The following CSMD1 variants were observed in gnomAD, a reference collection of about 807,000 sequenced individuals.
CSMD1 encodes the protein CUB and Sushi multiple domains 1.
A neutral mutation model predicts 417.5 loss-of-function variants in CSMD1; 213 were observed. The ratio of observed to expected loss-of-function variants is 0.51; its 90% CI spans 0.46 to 0.57. The LOEUF (loss-of-function observed/expected upper bound fraction) is 0.57. CSMD1 is among the 20% of genes least tolerant of loss of function. CSMD1 has a pLI of 0.00. For synonymous variants in CSMD1, 2,862 were observed against 1,736.8 expected (o/e 1.65, Z -16.11); for missense variants, 6,923 against 4,529.7 (o/e 1.53, Z -15.17).
chr8:3,094,800 CAAAA>C lies in CSMD1; in HGVS notation c.7138+2045_7138+2048del, dbSNP rs33991879. On this transcript the variant is annotated intron_variant, in intron 47 of 69. Coordinates refer to ENST00000635120, the MANE Select transcript of CSMD1 (RefSeq NM_033225.6). ...ATGAACTATAAAAGAGCCCGTCTTA[CAAAA>C]AAAAAAAAAAAAAAAAGAGAGAGAG... Among the ~76,000 whole-genome samples, 504 of 105,392 alleles carry C rather than the reference CAAAA, an allele frequency of 4.8e-3. 1 individual carries two copies. Among genetic ancestry groups the C allele is most frequent in the African/African-American group, 0.017 (474 of 27,602 alleles). The allele number at this position is 105,392 out of a possible 152,430, so 69.1% of individuals were successfully genotyped here. A position where few individuals can be genotyped will look rare whatever the true frequency, so the allele number is the denominator to read the frequency against.
At chr8:3,483,563 G>C (rs537081285) in intron 11 of CSMD1, among the ~76,000 whole-genome samples, 13 of 151,990 alleles carry the variant, frequency 8.6e-5, no homozygotes, top group African/African-American at 2.9e-4. Flanking sequence ...AACAATTAAC[G>C]TCAAGATTTC....
intron 3 of CSMD1, among the ~76,000 whole-genome samples, chr8:4,327,475 G>A (rs1187777090): frequency 2.0e-5 from 3 of 152,130 alleles, no homozygotes; most frequent in Admixed American, 6.5e-5. Context: ...GTAGGTAACT[G>A]GGGATGAGCC....
At chr8:4,982,164 T>G (rs1456555370) in intron 1 of CSMD1, among the ~76,000 whole-genome samples, 2 of 152,194 alleles carry the variant, frequency 1.3e-5, no homozygotes, top group Non-Finnish European at 1.5e-5. Context: ...GAGACCCAGC[T>G]AAGCTGCCAA....
intron 3 of CSMD1, among the ~76,000 whole-genome samples, chr8:4,346,011 T>A (rs1244926786): frequency 6.6e-6 from 1 of 152,146 alleles, no homozygotes; most frequent in East Asian, 1.9e-4. Context: ...TAGTATAAAA[T>A]AACGGAATAT....
intron 59 of CSMD1, among the ~76,000 whole-genome samples, chr8:2,965,035 C>T (rs1803838579): frequency 6.6e-6 from 1 of 152,128 alleles, no homozygotes; most frequent in African/African-American, 2.4e-5. Flanking sequence ...CCCCTCTCTC[C>T]CCCTCTTCTT....
At chr8:3,681,749 A>G (rs1027622248) in intron 7 of CSMD1, among the ~76,000 whole-genome samples, 1 of 152,184 alleles carries the variant, frequency 6.6e-6, no homozygotes, top group Admixed American at 6.6e-5. Flanking sequence ...CCTAAGCCAA[A>G]AGAACAAAGC....
intron 7 of CSMD1, among the ~76,000 whole-genome samples, chr8:3,665,837 G>C (rs1043351050): frequency 2.6e-5 from 4 of 152,130 alleles, no homozygotes; most frequent in East Asian, 1.9e-4. Flanking sequence ...CCAAGGCTTA[G>C]GCTCCTGCAT....
chr8:3,637,758 A>T (rs920207147), intron 7 of CSMD1, among the ~76,000 whole-genome samples: 14 of 152,134 alleles, frequency 9.2e-5, no homozygotes, highest in Non-Finnish European at 1.8e-4. Context: ...TCTCATCTTG[A>T]ATTGTAGCTC....
At chr8:4,719,324 A>T (rs1165638797) in intron 1 of CSMD1, among the ~76,000 whole-genome samples, 1 of 152,126 alleles carries the variant, frequency 6.6e-6, no homozygotes, top group Non-Finnish European at 1.5e-5. Flanking sequence ...AGGGTTTTCT[A>T]ATCTATTTCC....
chr8:3,224,754 G>T (rs1798401722), intron 27 of CSMD1, among the ~76,000 whole-genome samples: 1 of 152,132 alleles, frequency 6.6e-6, no homozygotes, highest in East Asian at 1.9e-4. Flanking sequence ...GTGGTTAATA[G>T]GCAAGCCAGT....
chr8:3,694,812 G>A (rs1314999386), intron 7 of CSMD1, among the ~76,000 whole-genome samples: 1 of 151,958 alleles, frequency 6.6e-6, no homozygotes, highest in East Asian at 1.9e-4. Flanking sequence ...CAGGGAGCCA[G>A]GGGAACGCGG....
chr8:4,679,664 T>G (rs1364205669), intron 1 of CSMD1, among the ~76,000 whole-genome samples: 1 of 152,128 alleles, frequency 6.6e-6, no homozygotes, highest in African/African-American at 2.4e-5. Flanking sequence ...GTTAGGAGGA[T>G]CAAACAACAT....
At chr8:3,455,016 T>C (rs566018216) in intron 12 of CSMD1, among the ~76,000 whole-genome samples, 1 of 152,322 alleles carries the variant, frequency 6.6e-6, no homozygotes, top group South Asian at 2.1e-4. Context: ...TGTTTCTTTT[T>C]ATTCTTTTTT....
chr8:4,712,074 C>T (rs948411838), intron 1 of CSMD1, among the ~76,000 whole-genome samples: 2 of 152,142 alleles, frequency 1.3e-5, no homozygotes, highest in Non-Finnish European at 2.9e-5. Flanking sequence ...TGTTCACTGC[C>T]ATGAAGAAGA....
intron 5 of CSMD1, among the ~76,000 whole-genome samples, chr8:3,963,412 G>A (rs912818967): frequency 2.0e-5 from 3 of 152,080 alleles, no homozygotes; most frequent in African/African-American, 7.2e-5. Context: ...TGGTTCCTAA[G>A]TAGCTTGAAA....
intron 4 of CSMD1, among the ~76,000 whole-genome samples, chr8:4,017,791 C>A (rs749490154): frequency 2.6e-5 from 4 of 152,044 alleles, no homozygotes; most frequent in African/African-American, 9.7e-5. Context: ...TCTTTGTAAT[C>A]TGCATTTGGA....
intron 5 of CSMD1, among the ~76,000 whole-genome samples, chr8:3,915,285 A>C (rs1357739648): frequency 6.6e-6 from 1 of 151,718 alleles, no homozygotes; most frequent in Non-Finnish European, 1.5e-5. Context: ...GTGTGCCTGT[A>C]GTCTCAGCTA....
At chr8:3,452,941 C>T (rs533285925) in intron 12 of CSMD1, among the ~76,000 whole-genome samples, 31 of 152,164 alleles carry the variant, frequency 2.0e-4, no homozygotes, top group African/African-American at 6.7e-4. Flanking sequence ...TGAATCCATC[C>T]GTTTCTGGAC....
intron 23 of CSMD1, among the ~76,000 whole-genome samples, chr8:3,322,405 T>C (rs1227458804): frequency 6.6e-6 from 1 of 152,214 alleles, no homozygotes; most frequent in Admixed American, 6.5e-5. Flanking sequence ...TTCCTTCAAA[T>C]CTTGTACTAA....
Sources: allele counts gnomAD v4.1 joint callset (sites outside exome capture counted in the v4.1 genomes callset), GRCh38; gene constraint gnomAD v4.1.1; transcripts MANE v1.5; gene names NCBI Gene and HGNC (gene_info 2026-07-23, HGNC 2026-07-21).